Variants in MTHFD1L observed in about 807,000 individuals in gnomAD.
MTHFD1L encodes monofunctional C1-tetrahydrofolate synthase, mitochondrial.
Under a neutral mutation model 119.5 loss-of-function variants are expected in MTHFD1L, and 81 were observed. The ratio of observed to expected loss-of-function variants is 0.68; its 90% CI spans 0.57 to 0.82. The LOEUF is 0.82. Ranked by LOEUF, MTHFD1L falls within the 40% of genes least tolerant of loss-of-function variation. The pLI is 0.00. For missense variants in MTHFD1L, 1,125 were observed against 1,253.4 expected, an observed-to-expected ratio of 0.90 and a Z score of 1.55; for synonymous variants, 430 against 475.2, an observed-to-expected ratio of 0.90 and a Z score of 1.24.
intron 13 of MTHFD1L, among the ~76,000 whole-genome samples, chr6:150,940,953 C>T (rs1262207965): frequency 6.6e-6 from 1 of 152,194 alleles, no homozygotes; most frequent in East Asian, 1.9e-4. Context: ...TGAGTGCCTC[C>T]AGTCTTTTCT....
rs192772080 is a variant in MTHFD1L, at chr6:150,894,641, G to A, written c.780+6660G>A. On this transcript the variant is annotated intron_variant, in intron 7 of 27. Coordinates refer to ENST00000367321, the MANE Select transcript of MTHFD1L (RefSeq NM_015440.5). The stretch of plus-strand genomic sequence containing the variant: ...TCTACTTCCAAACATGTCGGCTGGA[G>A]ATCCCTGATGGGCCAGTTACTACTT... Among the ~76,000 whole-genome samples, 429 of 152,294 alleles carry A rather than the reference G, an allele frequency of 2.8e-3. 1 individual carries two copies. Among genetic ancestry groups the A allele is most frequent in the Non-Finnish European group, 4.5e-3 (307 of 68,024 alleles).
chr6:151,099,629 G>A (rs1584472349), intron 27 of MTHFD1L: 3 of 1,606,806 alleles, frequency 1.9e-6, no homozygotes, highest in Non-Finnish European at 2.6e-6. Flanking sequence ...AAGCGTAACT[G>A]GTGGAAACCC....
chr6:150,985,108 G>A (rs1197252925), intron 20 of MTHFD1L: 2 of 152,190 alleles, frequency 1.3e-5, no homozygotes, highest in Non-Finnish European at 1.5e-5. Context: ...GAAGAGTCAG[G>A]GGTTGGCAGC....
chr6:151,072,658 G>A (rs770995662), intron 26 of MTHFD1L, among the ~76,000 whole-genome samples: 2 of 151,856 alleles, frequency 1.3e-5, no homozygotes, highest in African/African-American at 2.4e-5. Context: ...GCATGGTGGC[G>A]CACATCTGTA....
intron 20 of MTHFD1L, among the ~76,000 whole-genome samples, chr6:151,003,985 G>A (rs1380331105): frequency 6.9e-6 from 1 of 143,936 alleles, no homozygotes; most frequent in Non-Finnish European, 1.5e-5. Flanking sequence ...TTCTAATGAA[G>A]TGAGGATGTT....
intron 26 of MTHFD1L, among the ~76,000 whole-genome samples, chr6:151,058,836 G>A (rs530564371): frequency 6.6e-6 from 1 of 152,288 alleles, no homozygotes; most frequent in Non-Finnish European, 1.5e-5. Flanking sequence ...GCCACGCCAG[G>A]CTAATTTTTT....
At position 150,865,724 on chromosome 6, in the gene MTHFD1L, G is replaced by GCCA; in HGVS notation, c.-97_-96insACC. 3 of 773,230 alleles carry GCCA rather than the reference G, an allele frequency of 3.9e-6. No homozygotes were observed. The highest frequency in any genetic ancestry group is 4.9e-6 in the Non-Finnish European group (3 of 615,608). The allele number at this position is 773,230 out of a possible 1,614,324, so 47.9% of individuals were successfully genotyped here. On this transcript the variant is annotated 5_prime_UTR_variant, in exon 1 of 28. Coordinates refer to ENST00000367321, the MANE Select transcript of MTHFD1L (RefSeq NM_015440.5). ...GAGGAGGAAGCGCCAGGTCCTTCCC[G>GCCA]CCGCCGCCGCCGCCGCCGCCGCCTG...
chr6:150,871,200 T>C (rs1779429162), intron 1 of MTHFD1L, among the ~76,000 whole-genome samples: 1 of 147,208 alleles, frequency 6.8e-6, no homozygotes, highest in South Asian at 2.1e-4. Flanking sequence ...TTTAAAATAC[T>C]TTATTACCAA....
In MTHFD1L at chr6:151,039,938, A is replaced by G. The variant is rs1242579744; in HGVS notation, c.2847+2821A>G. 1.6e-5 allele frequency among the ~76,000 whole-genome samples: 2 copies of G among 128,630 alleles called. No homozygotes were observed. Among genetic ancestry groups the G allele is most frequent in the East Asian group, 3.9e-4 (2 of 5,112 alleles). The allele number at this position is 128,630 out of a possible 152,430, so 84.4% of individuals were successfully genotyped here. A position where few individuals can be genotyped will look rare whatever the true frequency, so the allele number is the denominator to read the frequency against. Reference sequence around the variant, plus strand: ...TCTAAATACATACATACATACATACATACATACATGCATACATGCATACAT... The same window carrying G: ...TCTAAATACATACATACATACATACGTACATACATGCATACATGCATACAT... On this transcript the variant is annotated intron_variant, in intron 26 of 27. Coordinates refer to ENST00000367321, the MANE Select transcript of MTHFD1L (RefSeq NM_015440.5). This position sits in a 1 kb window ranked among gnomAD's most constrained non-coding sequence, Gnocchi z 4.4.
intron 11 of MTHFD1L, among the ~76,000 whole-genome samples, chr6:150,927,299 A>G (rs1790168173): frequency 6.6e-6 from 1 of 152,074 alleles, no homozygotes; most frequent in Non-Finnish European, 1.5e-5. Context: ...TGACGCTGAT[A>G]GAGTCTCTCA....
chr6:151,060,766 C>A (rs117789479), intron 26 of MTHFD1L, among the ~76,000 whole-genome samples: 4,887 of 152,248 alleles, frequency 0.032, 153 homozygotes, highest in Admixed American at 0.099. Context: ...AAAGCAAGAC[C>A]CAGGTCTTGT....
intron 27 of MTHFD1L, among the ~76,000 whole-genome samples, chr6:151,101,017 G>A (rs548942555): frequency 6.6e-6 from 1 of 152,048 alleles, no homozygotes; most frequent in East Asian, 1.9e-4. Context: ...AAATTAGCCG[G>A]GCATGGTGGT....
rs397887884 is a variant in MTHFD1L at position 150,918,064 on chromosome 6, CT to C, written c.893-494del. Reference sequence around the variant, plus strand: ...ATCCCAGGTTAATAGCTTAGATGGCCTTTTTTTTTTTTTTTTTTTGAGATGG... The same window carrying C: ...ATCCCAGGTTAATAGCTTAGATGGCCTTTTTTTTTTTTTTTTTTGAGATGG... On this transcript the variant is annotated intron_variant, in intron 8 of 27. Coordinates refer to ENST00000367321, the MANE Select transcript of MTHFD1L (RefSeq NM_015440.5). Among the ~76,000 whole-genome samples, 541 of 121,946 alleles carry C rather than the reference CT, an allele frequency of 4.4e-3. 2 individuals are homozygous for C. The highest frequency in any genetic ancestry group is 0.027 in the Middle Eastern group (6 of 222). The allele number at this position is 121,946 out of a possible 152,430, so 80.0% of individuals were successfully genotyped here.
intron 26 of MTHFD1L, chr6:151,057,394 AT>A (rs1372989548): frequency 2.5e-5 from 24 of 970,568 alleles, no homozygotes; most frequent in Non-Finnish European, 6.1e-6. Context: ...TAATCCCAAC[AT>A]TTTGGGAGGC....
chr6:151,045,814 C>T (rs537443605), intron 26 of MTHFD1L, among the ~76,000 whole-genome samples: 4 of 152,224 alleles, frequency 2.6e-5, no homozygotes, highest in Non-Finnish European at 5.9e-5. Flanking sequence ...TTCCTCTCAT[C>T]GTGAGGTCCC....
At position 151,004,762 on chromosome 6, in the gene MTHFD1L, G is replaced by A. The variant is rs996382735; in HGVS notation, c.2126-5057G>A. Among the ~76,000 whole-genome samples the A allele has an allele frequency of 2.6e-5, 4 of 152,256 alleles. No individual in the cohort carries two copies. The South Asian group carries it at 8.3e-4, about 31-fold the overall frequency. On this transcript the variant is annotated intron_variant, in intron 20 of 27. Transcript: ENST00000367321. ...CATGCTATAGAATCACTATCTAGCA[G>A]CTTCTGTGCTTGCACAATAAGAGTA...
chr6:151,013,226 A>C (rs1288248463), intron 21 of MTHFD1L, among the ~76,000 whole-genome samples: 1 of 152,066 alleles, frequency 6.6e-6, no homozygotes, highest in African/African-American at 2.4e-5. Context: ...CAAAATAATA[A>C]AAAATTATCT....
At chr6:151,025,064 T>G (rs1365640423) in intron 24 of MTHFD1L, among the ~76,000 whole-genome samples, 1 of 152,220 alleles carries the variant, frequency 6.6e-6, no homozygotes, top group African/African-American at 2.4e-5. Context: ...CCATGTGGAT[T>G]TCTTACTATT....
chr6:150,945,626 T>G, intron 15 of MTHFD1L, 85 bp downstream of exon 15: 1 of 1,380,972 alleles, frequency 7.2e-7, no homozygotes, highest in Non-Finnish European at 1.0e-6. Context: ...ATTTTCAACT[T>G]GGTTTGATTT....
Sources: allele counts gnomAD v4.1 joint callset (sites outside exome capture counted in the v4.1 genomes callset), GRCh38; gene constraint gnomAD v4.1.1; non-coding constraint Gnocchi (gnomAD v3.1); transcripts MANE v1.5; gene names NCBI Gene and HGNC (gene_info 2026-07-23, HGNC 2026-07-21).